AGBL4: variants seen among roughly 807,000 people sequenced by gnomAD.
The protein encoded by AGBL4 is cytosolic carboxypeptidase 6.
A neutral mutation model predicts 66.4 loss-of-function variants in AGBL4; 58 were observed. The observed-to-expected ratio is 0.87, with a 90% CI of 0.71 to 1.09. AGBL4 has a LOEUF of 1.09. Ranked by LOEUF, AGBL4 falls within the 50% of genes least tolerant of loss-of-function variation. The pLI, the probability that AGBL4 is intolerant of heterozygous loss-of-function variation, is 0.00. For missense variants in AGBL4, 579 were observed against 631.0 expected (o/e 0.92, Z 0.88); for synonymous variants, 234 against 222.9 (o/e 1.05, Z -0.44).
intron 6 of AGBL4, among the ~76,000 whole-genome samples, chr1:48,859,464 G>A (rs946794679): frequency 6.6e-5 from 10 of 152,018 alleles, no homozygotes; most frequent in Admixed American, 3.3e-4. Context: ...AATCTTTCTC[G>A]GCTTTTTTTC....
chr1:48,689,219 A>AAAAAAAAAAAAAAAAAAG (rs1553207682), intron 6 of AGBL4, among the ~76,000 whole-genome samples: 2 of 141,514 alleles, frequency 1.4e-5, no homozygotes, highest in African/African-American at 6.2e-5. Flanking sequence ...AAAAAAAAAA[A>AAAAAAAAAAAAAAAAAAG]AAAAGAAAAG....
intron 3 of AGBL4, among the ~76,000 whole-genome samples, chr1:49,275,564 A>G (rs545825515): frequency 2.6e-5 from 4 of 152,336 alleles, no homozygotes; most frequent in African/African-American, 9.6e-5. Context: ...TTTTAATTTC[A>G]TAACTAAATT....
chr1:49,693,642 T>C (rs970114964), intron 3 of AGBL4, among the ~76,000 whole-genome samples: 1 of 152,096 alleles, frequency 6.6e-6, no homozygotes, highest in African/African-American at 2.4e-5. Context: ...TTCAAATAAT[T>C]ATATTTCCCA....
chr1:49,836,297 A>G (rs1252800196), intron 2 of AGBL4, among the ~76,000 whole-genome samples: 3 of 151,544 alleles, frequency 2.0e-5, no homozygotes, highest in Non-Finnish European at 4.4e-5. Context: ...TTTCTCTAAT[A>G]TTGTCTTCAT....
intron 6 of AGBL4, chr1:48,818,328 C>T (rs1444983006): frequency 1.4e-6 from 1 of 710,774 alleles, no homozygotes; most frequent in African/African-American, 1.8e-5. Context: ...TGAAAAGGGG[C>T]ATATTGCCTT....
intron 3 of AGBL4, among the ~76,000 whole-genome samples, chr1:49,677,228 C>T (rs998011187): frequency 6.6e-6 from 1 of 151,992 alleles, no homozygotes; most frequent in African/African-American, 2.4e-5. Flanking sequence ...ATTCTTATAT[C>T]TTTATAATCT....
At chr1:49,493,531 GA>G (rs1297486544) in intron 3 of AGBL4, among the ~76,000 whole-genome samples, 2 of 152,112 alleles carry the variant, frequency 1.3e-5, no homozygotes, top group East Asian at 3.9e-4. Context: ...GGAGTAGTGA[GA>G]AAGCTTTTCA....
At chr1:48,647,201 C>G (rs961403193) in intron 8 of AGBL4, among the ~76,000 whole-genome samples, 2 of 152,196 alleles carry the variant, frequency 1.3e-5, no homozygotes, top group Non-Finnish European at 2.9e-5. Flanking sequence ...CAGTTCCGTG[C>G]TATAACGCAG....
chr1:49,049,724 C>T (rs1644168150), intron 4 of AGBL4, among the ~76,000 whole-genome samples: 1 of 151,936 alleles, frequency 6.6e-6, no homozygotes, highest in Non-Finnish European at 1.5e-5. Context: ...AGAGAAAATA[C>T]AAGTATTAGA....
At chr1:48,718,241 G>A (rs1647084847) in intron 6 of AGBL4, among the ~76,000 whole-genome samples, 2 of 152,166 alleles carry the variant, frequency 1.3e-5, no homozygotes, top group Admixed American at 6.5e-5. Flanking sequence ...CTTGGCACTG[G>A]ACTGGGCTCT....
In AGBL4 at chr1:48,534,235, G is replaced by T. The variant is rs896465817; in HGVS notation, c.1450C>A (p.Pro484Thr). Reference protein sequence around the residue: ...PLLRGPASNYPNSKGDKKSSV... With the variant: ...PLLRGPASNYTNSKGDKKSSV... The stretch of plus-strand genomic sequence containing the variant: ...CTCTTCTTGTCCCCTTTGCTGTTGG[G>T]GTAGTTGCTGGCTGGGCCCCGCAGG... The change falls in exon 14 of 14, where the codon CCC becomes ACC. Residue 484 changes from proline to threonine, a missense_variant. Coordinates refer to ENST00000371839, the MANE Select transcript of AGBL4 (RefSeq NM_032785.4). 7 of 1,551,702 alleles carry T rather than the reference G, an allele frequency of 4.5e-6. No homozygotes were observed. The highest frequency in any genetic ancestry group is 5.2e-6 in the Non-Finnish European group (6 of 1,146,944).
chr1:49,527,772 T>C (rs917318719), intron 3 of AGBL4, among the ~76,000 whole-genome samples: 50 of 152,272 alleles, frequency 3.3e-4, no homozygotes, highest in African/African-American at 1.1e-3. Context: ...ATGAAGAGAC[T>C]GCTAACCATG....
chr1:49,754,287 A>T (rs1405107565), intron 2 of AGBL4, among the ~76,000 whole-genome samples: 33 of 138,722 alleles, frequency 2.4e-4, no homozygotes, highest in Middle Eastern at 3.9e-3. Flanking sequence ...TTATTTTTTT[A>T]TTTTTAATGT....
intron 3 of AGBL4, among the ~76,000 whole-genome samples, chr1:49,582,522 C>T (rs1644563825): frequency 6.6e-6 from 1 of 152,220 alleles, no homozygotes; most frequent in Non-Finnish European, 1.5e-5. Flanking sequence ...AACTCTCATC[C>T]TGCTCAGTTC....
intron 1 of AGBL4, among the ~76,000 whole-genome samples, chr1:49,919,113 C>G (rs1049851919): frequency 2.0e-4 from 30 of 152,270 alleles, no homozygotes; most frequent in African/African-American, 7.2e-4. Context: ...CTATGACAAA[C>G]CCACAGCCAA....
chr1:49,247,892 A>G (rs866439907), intron 3 of AGBL4, among the ~76,000 whole-genome samples: 2 of 152,264 alleles, frequency 1.3e-5, no homozygotes, highest in African/African-American at 4.8e-5. Flanking sequence ...ACACTTAAAC[A>G]AAGTGGCTTG....
chr1:49,402,085 C>G (rs930976568), intron 3 of AGBL4, among the ~76,000 whole-genome samples: 1 of 152,048 alleles, frequency 6.6e-6, no homozygotes, highest in African/African-American at 2.4e-5. Context: ...GTTAGTCTAG[C>G]TAAAGGCTTG....
At position 49,600,886 on chromosome 1, in the gene AGBL4, T is replaced by C. The variant is rs866956806; in HGVS notation, c.282+96427A>G. ...GCTGGTTATGAAGTTCTCCTTTGCTTATGAAGTTAGTTTGGCTGGTTATGA... is the reference window on the plus strand; with the variant it reads ...GCTGGTTATGAAGTTCTCCTTTGCTCATGAAGTTAGTTTGGCTGGTTATGA... On this transcript the variant is annotated intron_variant, in intron 3 of 13. Coordinates refer to ENST00000371839, the MANE Select transcript of AGBL4 (RefSeq NM_032785.4). 1.5e-4 allele frequency among the ~76,000 whole-genome samples: 23 copies of C among 152,278 alleles called. 1 individual carries two copies. The highest frequency in any genetic ancestry group is 1.0e-3 in the South Asian group (5 of 4,826).
chr1:48,538,368 C>CA (rs1644007351), intron 12 of AGBL4, among the ~76,000 whole-genome samples: 1 of 152,152 alleles, frequency 6.6e-6, no homozygotes, highest in South Asian at 2.1e-4. Flanking sequence ...ATCCATTCTA[C>CA]AAAACCATAT....
Sources: gnomAD v4.1 joint callset for allele counts (sites outside exome capture counted in the v4.1 genomes callset) on GRCh38, gnomAD v4.1.1 for gene constraint, MANE v1.5 for transcripts, NCBI Gene and HGNC (gene_info 2026-07-23, HGNC 2026-07-21) for gene names.